The following FOXK1 variants were observed in gnomAD, a reference collection of about 807,000 sequenced individuals.
The protein encoded by FOXK1 is forkhead box K1, also known as forkhead box protein K1.
Under a neutral mutation model 51.9 loss-of-function variants are expected in FOXK1, and 19 were observed. The ratio of observed to expected loss-of-function variants is 0.37; its 90% CI spans 0.26 to 0.54. The LOEUF is 0.54. Ranked by LOEUF, FOXK1 falls within the 20% of genes least tolerant of loss-of-function variation. The pLI, the probability that FOXK1 is intolerant of heterozygous loss-of-function variation, is 0.87. For synonymous variants in FOXK1, 537 were observed against 482.6 expected (o/e 1.11, Z -1.48); for missense variants, 870 against 1,032.7 (o/e 0.84, Z 2.16).
chr7:4,692,303 C>T (rs985420077), intron 1 of FOXK1, among the ~76,000 whole-genome samples: 5 of 152,132 alleles, frequency 3.3e-5, no homozygotes, highest in Non-Finnish European at 7.4e-5. Flanking sequence ...CCTGCAGATA[C>T]GTAGTTGGAA....
rs904427386 is a variant in FOXK1, at chr7:4,707,771, G to A, written c.560+24903G>A. Among the ~76,000 whole-genome samples the A allele has an allele frequency of 1.2e-4, 18 of 151,434 alleles. No individual in the cohort carries two copies. The highest frequency in any genetic ancestry group is 3.9e-4 in the African/African-American group (16 of 41,120). ...ACGATCGTGGCTCTCTGCAACCTCC[G>A]CCTCCTGGGTTCAAGCAATTCTCCT... On this transcript the variant is annotated intron_variant, in intron 1 of 8. Coordinates refer to ENST00000328914, the MANE Select transcript of FOXK1 (RefSeq NM_001037165.2). The surrounding 1 kb of genome is among the most constrained non-coding windows in gnomAD (Gnocchi z 4.1).
At chr7:4,704,973 A>G (rs932068333) in intron 1 of FOXK1, among the ~76,000 whole-genome samples, 6 of 151,654 alleles carry the variant, frequency 4.0e-5, no homozygotes, top group Admixed American at 6.6e-5. Context: ...CTGGGACTAC[A>G]GGCACATGCC....
At chr7:4,725,605 C>T (rs1456124062) in intron 1 of FOXK1, among the ~76,000 whole-genome samples, 1 of 152,274 alleles carries the variant, frequency 6.6e-6, no homozygotes, top group Non-Finnish European at 1.5e-5. Context: ...CTCCGGGCCT[C>T]GCCCATGCTC....
chr7:4,711,935 G>A lies in FOXK1; in HGVS notation c.561-28903G>A, dbSNP rs145010400. On this transcript the variant is annotated intron_variant, in intron 1 of 8. Coordinates refer to ENST00000328914, the MANE Select transcript of FOXK1 (RefSeq NM_001037165.2). This position sits in a 1 kb window ranked among gnomAD's most constrained non-coding sequence, Gnocchi z 6.3. Reference sequence around the variant, plus strand: ...AAGGTTGAGATGGGGCAGGGACTCCGGGGGAGGGGCAGAGGGCAGGTGCCG... The same window carrying A: ...AAGGTTGAGATGGGGCAGGGACTCCAGGGGAGGGGCAGAGGGCAGGTGCCG... Among the ~76,000 whole-genome samples, 470 of 152,258 alleles carry A rather than the reference G, an allele frequency of 3.1e-3. 4 individuals carry two copies. Among genetic ancestry groups the A allele is most frequent in the African/African-American group, 8.0e-3 (331 of 41,552 alleles).
intron 1 of FOXK1, among the ~76,000 whole-genome samples, chr7:4,684,259 G>A (rs1444064121): frequency 3.9e-5 from 6 of 152,166 alleles, no homozygotes; most frequent in Non-Finnish European, 8.8e-5. Flanking sequence ...TGTGGTTCTT[G>A]TTCAGGGTTG....
rs1780142145 is a variant in FOXK1 at position 4,709,080 on chromosome 7, GAAAA to G, written c.560+26213_560+26216del. On this transcript the variant is annotated intron_variant, in intron 1 of 8. Transcript: ENST00000328914. The surrounding 1 kb of genome is among the most constrained non-coding windows in gnomAD (Gnocchi z 5.6). ...CTCTGTCTCAAAAAAAAAAAAAAAA[GAAAA>G]GAAAAGAAAAAGAAAAACAAGGAAA... Among the ~76,000 whole-genome samples, 1 of 145,366 alleles carries G rather than the reference GAAAA, an allele frequency of 6.9e-6. No homozygotes were observed. Among genetic ancestry groups the G allele is most frequent in the Non-Finnish European group, 1.5e-5 (1 of 66,176 alleles).
chr7:4,740,384 C>T (rs540269483), intron 1 of FOXK1, among the ~76,000 whole-genome samples: 3 of 150,380 alleles, frequency 2.0e-5, no homozygotes, highest in African/African-American at 2.5e-5. Context: ...GAGCTGAGAT[C>T]GTGTCCCTGC....
At chr7:4,700,994 C>T (rs1334606656) in intron 1 of FOXK1, among the ~76,000 whole-genome samples, 2 of 152,214 alleles carry the variant, frequency 1.3e-5, no homozygotes, top group Non-Finnish European at 2.9e-5. Context: ...GAAATGACTG[C>T]AGTGCTTTGA....
rs751285223 is a variant in FOXK1, at chr7:4,761,106, C to T, written c.1739C>T (p.Ala580Val). 7 of 1,613,022 alleles carry T rather than the reference C, an allele frequency of 4.3e-6. No individual in the cohort carries two copies. The highest frequency in any genetic ancestry group is 2.2e-5 in the East Asian group (1 of 44,876). Residue 580 changes from alanine (A) to valine (V), a missense_variant, in exon 8 of 9, where the codon GCG (alanine) becomes GTG (valine). Coordinates refer to ENST00000328914, the MANE Select transcript of FOXK1 (RefSeq NM_001037165.2). This position sits in a 1 kb window ranked among gnomAD's most constrained non-coding sequence, Gnocchi z 6.2. The stretch of plus-strand genomic sequence containing the variant: ...ACCATTGCGTTTGCCACAATCCCCG[C>T]GGCTGGTGGAGTCATCCAGACGGTG... ...KPTIAFATIPAAGGVIQTVAS... is the reference protein window; with the variant it reads ...KPTIAFATIPVAGGVIQTVAS...
intron 1 of FOXK1, among the ~76,000 whole-genome samples, chr7:4,687,254 T>TTTACAAG (rs1369429946): frequency 6.6e-6 from 1 of 151,720 alleles, no homozygotes; most frequent in Non-Finnish European, 1.5e-5. Context: ...TTTACATAGT[T>TTTACAAG]AATGTATCCA....
chr7:4,704,088 G>A (rs1780052390), intron 1 of FOXK1, among the ~76,000 whole-genome samples: 1 of 152,116 alleles, frequency 6.6e-6, no homozygotes, highest in Admixed American at 6.6e-5. Flanking sequence ...CACACCGAAA[G>A]GGTCTACCAA....
In FOXK1 at chr7:4,682,638, G is replaced by A; in HGVS notation, c.330G>A (p.Glu110=). Residue 110 remains glutamate, a synonymous_variant, in exon 1 of 9, where the codon GAG becomes GAA. Coordinates refer to ENST00000328914, the MANE Select transcript of FOXK1 (RefSeq NM_001037165.2). This position sits in a 1 kb window ranked among gnomAD's most constrained non-coding sequence, Gnocchi z 7.6. ...QSPGPALARL[E]GREFEFLMRQ... ...CGGGGCCGGCGCTGGCGCGGCTGGA[G>A]GGCCGCGAGTTCGAGTTCCTCATGC... The A allele has an allele frequency of 6.5e-7, 1 of 1,545,208 alleles. No homozygotes were observed. Among genetic ancestry groups the A allele is most frequent in the Non-Finnish European group, 8.7e-7 (1 of 1,153,796 alleles).
In FOXK1 at chr7:4,722,976, G is replaced by A. The variant is rs542525901; in HGVS notation, c.561-17862G>A. On this transcript the variant is annotated intron_variant, in intron 1 of 8. Coordinates refer to ENST00000328914, the MANE Select transcript of FOXK1 (RefSeq NM_001037165.2). This position sits in a 1 kb window ranked among gnomAD's most constrained non-coding sequence, Gnocchi z 5.1. Reference sequence around the variant, plus strand: ...GAAGAACCCCCAGGAGCAGGTGGCCGACGCAGGCACCCTCAGATCTGAGAT... The same window carrying A: ...GAAGAACCCCCAGGAGCAGGTGGCCAACGCAGGCACCCTCAGATCTGAGAT... Among the ~76,000 whole-genome samples, 3 of 151,954 alleles carry A rather than the reference G, an allele frequency of 2.0e-5. No individual in the cohort carries two copies. The highest frequency in any genetic ancestry group is 4.8e-5 in the African/African-American group (2 of 41,386).
At position 4,735,372 on chromosome 7, in the gene FOXK1, A is replaced by G. The variant is rs1347012118; in HGVS notation, c.561-5466A>G. 6.6e-6 allele frequency among the ~76,000 whole-genome samples: 1 copy of G among 152,142 alleles called. No homozygotes were observed. The highest frequency in any genetic ancestry group is 1.5e-5 in the Non-Finnish European group (1 of 68,028). On this transcript the variant is annotated intron_variant, in intron 1 of 8. Transcript: ENST00000328914. This position sits in a 1 kb window ranked among gnomAD's most constrained non-coding sequence, Gnocchi z 4.7. ...AGCTTGCCTGAGATCGACTGCACAT[A>G]CCTTACAACTAACCCTTTCCATTGT... is the stretch of plus-strand genomic sequence containing the variant.
At position 4,734,827 on chromosome 7, in the gene FOXK1, C is replaced by G. The variant is rs945251374; in HGVS notation, c.561-6011C>G. On this transcript the variant is annotated intron_variant, in intron 1 of 8. Transcript: ENST00000328914. The surrounding 1 kb of genome is among the most constrained non-coding windows in gnomAD (Gnocchi z 5.2). ...CCCTCGTCCAGGCCTCGGGTTCACC[C>G]CATCCAGAAAGTAAACCCGTCCTTC... Among the ~76,000 whole-genome samples the G allele has an allele frequency of 9.9e-5, 15 of 152,262 alleles. No homozygotes were observed. Among genetic ancestry groups the G allele is most frequent in the Non-Finnish European group, 2.1e-4 (14 of 68,022 alleles).
At position 4,762,301 on chromosome 7, in the gene FOXK1, C is replaced by T. The variant is rs71529310; in HGVS notation, c.2039C>T (p.Ala680Val). ...CCAGCAGCAGCCGTCGCGGCCACGG[C>T]CACCACCACCCCAGCCACTGCCACC... ...KEPAAAVAAT[A>V]TTTPATATTA... Residue 680 changes from alanine to valine, a missense_variant, in exon 9 of 9, where the codon GCC becomes GTC. Ala to Val is a moderately conservative substitution (Grantham distance 64). Around this residue, in one of 3 missense-constraint regions of FOXK1, gnomAD observed 457 missense variants for 510.8 expected, o/e 0.89. Coordinates refer to ENST00000328914, the MANE Select transcript of FOXK1 (RefSeq NM_001037165.2). This position sits in a 1 kb window ranked among gnomAD's most constrained non-coding sequence, Gnocchi z 5.7. 16,731 of 1,550,290 alleles carry T rather than the reference C, an allele frequency of 0.011. 157 individuals are homozygous for T. The highest frequency in any genetic ancestry group is 0.011 in the Non-Finnish European group (12,299 of 1,146,782).
intron 1 of FOXK1, among the ~76,000 whole-genome samples, chr7:4,700,857 A>G (rs577193682): frequency 1.3e-5 from 2 of 152,336 alleles, no homozygotes; most frequent in African/African-American, 2.4e-5. Flanking sequence ...TGCCTGGCAC[A>G]TAGACAGTGC....
At position 4,733,096 on chromosome 7, in the gene FOXK1, C is replaced by A. The variant is rs28569903; in HGVS notation, c.561-7742C>A. On this transcript the variant is annotated intron_variant, in intron 1 of 8. Transcript: ENST00000328914. This position sits in a 1 kb window ranked among gnomAD's most constrained non-coding sequence, Gnocchi z 5.0. Reference sequence around the variant, plus strand: ...GGGCTTTTCACCCTCTTCCTGGATTCTTTCAGTTAGGACGTAGTTTTGATT... The same window carrying A: ...GGGCTTTTCACCCTCTTCCTGGATTATTTCAGTTAGGACGTAGTTTTGATT... Among the ~76,000 whole-genome samples the A allele has an allele frequency of 1.4e-3, 217 of 152,234 alleles. No individual in the cohort carries two copies. Among genetic ancestry groups the A allele is most frequent in the African/African-American group, 5.0e-3 (206 of 41,542 alleles).
At position 4,759,346 on chromosome 7, in the gene FOXK1, G is replaced by T. The variant is rs770836439; in HGVS notation, c.1447G>T (p.Val483Leu). 1.0e-5 allele frequency: 16 copies of T among 1,601,608 alleles called. No individual in the cohort carries two copies. The highest frequency in any genetic ancestry group is 1.3e-5 in the African/African-American group (1 of 74,868). Reference protein sequence around the residue: ...PVSAQPVIMAVPPRPSSLVAK... With the variant: ...PVSAQPVIMALPPRPSSLVAK... ...CAGCGCCCAGCCAGTGATCATGGCC[G>T]TGCCTCCCCGACCGTCCAGCCTCGT... The change falls in exon 7 of 9, where the codon GTG (valine) becomes TTG (leucine). Residue 483 changes from valine (V) to leucine (L), a missense_variant. By Grantham distance (32) the Val-to-Leu change is conservative. This residue lies in a region of FOXK1 where 457 missense variants were observed against 510.8 expected (regional missense o/e 0.89). Transcript: ENST00000328914.
Sources: gnomAD v4.1 joint callset for allele counts (sites outside exome capture counted in the v4.1 genomes callset) on GRCh38, gnomAD v4.1.1 for gene constraint, gnomAD v4.1.1 regional missense constraint, Gnocchi (gnomAD v3.1) non-coding constraint, MANE v1.5 for transcripts, NCBI Gene and HGNC (gene_info 2026-07-23, HGNC 2026-07-21) for gene names.